Variants in DOCK3 observed in about 807,000 individuals in gnomAD.
DOCK3 encodes the protein dedicator of cytokinesis protein 3.
A neutral mutation model predicts 265.6 loss-of-function variants in DOCK3; 60 were observed. The observed-to-expected ratio is 0.23, with a 90% confidence interval of 0.18 to 0.28. The LOEUF (loss-of-function observed/expected upper bound fraction) is 0.28. Among genes scored for constraint, DOCK3 ranks in the 10% least tolerant of loss-of-function variants. The pLI, the probability that DOCK3 is intolerant of heterozygous loss-of-function variation, is 1.00. For missense variants in DOCK3, 1,981 were observed against 2,594.3 expected (o/e 0.76, Z 5.14); for synonymous variants, 881 against 938.0 (o/e 0.94, Z 1.11).
At chr3:50,767,840 T>C (rs1437094680) in intron 1 of DOCK3, among the ~76,000 whole-genome samples, 1 of 152,158 alleles carries the variant, frequency 6.6e-6, no homozygotes, top group African/African-American at 2.4e-5. Context: ...TTCACATCCC[T>C]TGTAAGTTGT....
intron 3 of DOCK3, among the ~76,000 whole-genome samples, chr3:50,872,777 C>T (rs761832363): frequency 1.3e-4 from 20 of 152,328 alleles, no homozygotes; most frequent in Admixed American, 7.2e-4. Flanking sequence ...CCCTTCTTTC[C>T]TCCCCTTTCC....
chr3:51,365,739 G>C (rs1379884385), intron 49 of DOCK3, among the ~76,000 whole-genome samples: 1 of 152,232 alleles, frequency 6.6e-6, no homozygotes, highest in Non-Finnish European at 1.5e-5. Context: ...CATCTATTGA[G>C]ATAGTCATGT....
At chr3:50,760,091 T>A (rs1011846334) in intron 1 of DOCK3, among the ~76,000 whole-genome samples, 2 of 152,152 alleles carry the variant, frequency 1.3e-5, no homozygotes, top group African/African-American at 4.8e-5. Flanking sequence ...GTCATGAAGC[T>A]TTTCCCTTAT....
intron 32 of DOCK3, among the ~76,000 whole-genome samples, chr3:51,321,012 C>T (rs923101569): frequency 6.6e-6 from 1 of 152,182 alleles, no homozygotes; most frequent in South Asian, 2.1e-4. Context: ...GGGTCCCTGA[C>T]CCCCATGTCT....
intron 3 of DOCK3, among the ~76,000 whole-genome samples, chr3:50,847,512 C>T (rs930779923): frequency 6.6e-6 from 1 of 152,058 alleles, no homozygotes; most frequent in African/African-American, 2.4e-5. Context: ...TCTGACTAGT[C>T]AAGTGTTGAG....
chr3:51,195,464 G>A (rs1243349169), intron 12 of DOCK3, among the ~76,000 whole-genome samples: 2 of 151,866 alleles, frequency 1.3e-5, no homozygotes. Flanking sequence ...ACCCAGGCTG[G>A]AGTGCAGTGG....
chr3:50,991,466 C>T (rs2078100282), intron 5 of DOCK3, among the ~76,000 whole-genome samples: 1 of 152,054 alleles, frequency 6.6e-6, no homozygotes, highest in Non-Finnish European at 1.5e-5. Context: ...TAAAACATTT[C>T]AAAACAACAA....
intron 2 of DOCK3, among the ~76,000 whole-genome samples, chr3:50,841,016 C>G (rs2045795977): frequency 6.6e-6 from 1 of 152,196 alleles, no homozygotes; most frequent in Admixed American, 6.5e-5. Flanking sequence ...TTGGCTTCCT[C>G]TCCTACCCAT....
intron 1 of DOCK3, among the ~76,000 whole-genome samples, chr3:50,753,187 TTTAG>T (rs1382357820): frequency 2.0e-5 from 3 of 152,226 alleles, no homozygotes; most frequent in African/African-American, 4.8e-5. Flanking sequence ...TGAATAACAT[TTTAG>T]TTACTTAGTG....
At chr3:51,024,031 A>G (rs1207198847) in intron 5 of DOCK3, among the ~76,000 whole-genome samples, 1 of 152,046 alleles carries the variant, frequency 6.6e-6, no homozygotes, top group Non-Finnish European at 1.5e-5. Context: ...TTTATTTTTT[A>G]CTAGACTGTG....
At position 50,906,384 on chromosome 3, in the gene DOCK3, G is replaced by A. The variant is rs569339370; in HGVS notation, c.218+16303G>A. Among the ~76,000 whole-genome samples the A allele has an allele frequency of 3.3e-5, 5 of 150,846 alleles. No individual in the cohort carries two copies. In the East Asian group the frequency reaches 5.8e-4, roughly 18 times the overall value. The stretch of plus-strand genomic sequence containing the variant: ...TCTGGTCAAATTTGGCTGTGAATCC[G>A]TCTGGTCCTGCATTTTTTTTGGTTG... On this transcript the variant is annotated intron_variant, in intron 4 of 52. Transcript: ENST00000266037.
intron 9 of DOCK3, among the ~76,000 whole-genome samples, chr3:51,135,462 G>A (rs1199640566): frequency 1.3e-5 from 2 of 152,066 alleles, no homozygotes; most frequent in Non-Finnish European, 2.9e-5. Flanking sequence ...CCCACAATAG[G>A]GTTTTTCAAA....
chr3:51,374,371 G>GT lies in DOCK3; in HGVS notation c.5294-98_5294-97insT. ...GTTCATCCTCACCCTAACTGTAAGG[G>GT]ACACCTACCCTGGTTCCCTAGTCCT... On this transcript the variant is annotated intron_variant, in intron 49 of 52. Transcript: ENST00000266037. The surrounding 1 kb of genome is among the most constrained non-coding windows in gnomAD (Gnocchi z 4.8). 2 of 1,116,300 alleles carry GT rather than the reference G, an allele frequency of 1.8e-6. No homozygotes were observed. Among genetic ancestry groups the GT allele is most frequent in the South Asian group, 2.8e-5 (2 of 72,346 alleles). 69.1% of individuals were successfully genotyped at this position (1,116,300 alleles called of 1,614,324 possible).
At chr3:50,839,383 A>G (rs2045691611) in intron 2 of DOCK3, among the ~76,000 whole-genome samples, 1 of 152,156 alleles carries the variant, frequency 6.6e-6, no homozygotes, top group Admixed American at 6.5e-5. Context: ...TATGGTAACA[A>G]TATGTTTAGT....
At chr3:51,052,973 G>A (rs753663985) in intron 5 of DOCK3, among the ~76,000 whole-genome samples, 13 of 150,874 alleles carry the variant, frequency 8.6e-5, no homozygotes, top group African/African-American at 1.2e-4. Flanking sequence ...GGGCTAAATT[G>A]AGACTGCTTA....
chr3:50,959,530 TTGTGTGTGTG>T (rs201803035), intron 5 of DOCK3, among the ~76,000 whole-genome samples: 10 of 146,174 alleles, frequency 6.8e-5, no homozygotes, highest in African/African-American at 1.8e-4. Flanking sequence ...TCTTTTTATG[TTGTGTGTGTG>T]TGTGTGTGTG....
At chr3:50,685,505 G>A (rs926692718) in intron 1 of DOCK3, 11 of 152,636 alleles carry the variant, frequency 7.2e-5, no homozygotes, top group African/African-American at 2.7e-4. Flanking sequence ...TGTTAATACA[G>A]GGATATTTGT....
intron 3 of DOCK3, among the ~76,000 whole-genome samples, chr3:50,847,993 C>T (rs4574286): frequency 1.5e-4 from 22 of 151,184 alleles, no homozygotes; most frequent in Admixed American, 1.5e-3. Flanking sequence ...TGTTGGGTGC[C>T]TATGTATTTA....
In DOCK3 at chr3:51,185,357, G is replaced by A. The variant is rs545953609; in HGVS notation, c.1038-23417G>A. ...TGACTCTAAAATTCTTATAAAGAGT[G>A]CAAATAAATAGGAAAAGAATGTCCA... On this transcript the variant is annotated intron_variant, in intron 12 of 52. Coordinates refer to ENST00000266037, the MANE Select transcript of DOCK3 (RefSeq NM_004947.5). Among the ~76,000 whole-genome samples, 20 of 152,250 alleles carry A rather than the reference G, an allele frequency of 1.3e-4. No homozygotes were observed. The South Asian group carries it at 2.9e-3, about 22-fold the overall frequency.
Sources: gnomAD v4.1 joint callset for allele counts (sites outside exome capture counted in the v4.1 genomes callset) on GRCh38, gnomAD v4.1.1 for gene constraint, Gnocchi (gnomAD v3.1) non-coding constraint, MANE v1.5 for transcripts, NCBI Gene and HGNC (gene_info 2026-07-23, HGNC 2026-07-21) for gene names.